Variants in PTPRM observed in about 807,000 individuals in gnomAD.
PTPRM encodes the protein protein tyrosine phosphatase receptor type M.
A neutral mutation model predicts 186.7 loss-of-function variants in PTPRM; 47 were observed. The observed-to-expected ratio is 0.25, with a 90% confidence interval of 0.20 to 0.32. The LOEUF (loss-of-function observed/expected upper bound fraction) is 0.32. Ranked by LOEUF, PTPRM falls within the 10% of genes least tolerant of loss-of-function variation. The pLI is 1.00. For missense variants in PTPRM, 1,494 were observed against 1,865.0 expected (o/e 0.80, Z 3.66); for synonymous variants, 668 against 674.9 (o/e 0.99, Z 0.16).
Position 7,785,715 on chromosome 18 carries a change from G to A in PTPRM, c.196+11444G>A, listed in dbSNP as rs114125320. Among the ~76,000 whole-genome samples the A allele has an allele frequency of 4.5e-3, 690 of 152,286 alleles. 5 individuals carry two copies. The highest frequency in any genetic ancestry group is 0.015 in the African/African-American group (618 of 41,566). ...ATTTACAAAACCCAGGTTGAGCCAC[G>A]TCTGCACTTTCTGAGCATATCGTGA... On this transcript the variant is annotated intron_variant, in intron 2 of 32. Coordinates refer to ENST00000580170, the MANE Select transcript of PTPRM (RefSeq NM_001105244.2).
At chr18:7,685,146 G>A (rs575766368) in intron 1 of PTPRM, among the ~76,000 whole-genome samples, 1 of 152,150 alleles carries the variant, frequency 6.6e-6, no homozygotes, top group Non-Finnish European at 1.5e-5. Flanking sequence ...TGTGGGATCT[G>A]GGGTGGGTAA....
chr18:8,205,498 C>A (rs1262071895), intron 14 of PTPRM, among the ~76,000 whole-genome samples: 1 of 152,142 alleles, frequency 6.6e-6, no homozygotes, highest in Admixed American at 6.5e-5. Context: ...TAATTGATCA[C>A]GTACTTTATA....
intron 19 of PTPRM, among the ~76,000 whole-genome samples, chr18:8,261,575 A>G (rs1188258492): frequency 6.6e-6 from 1 of 152,140 alleles, no homozygotes; most frequent in African/African-American, 2.4e-5. Flanking sequence ...CTGAAGTACC[A>G]GTAGAAAAGT....
chr18:7,991,866 G>C (rs2083284997), intron 7 of PTPRM, among the ~76,000 whole-genome samples: 1 of 152,118 alleles, frequency 6.6e-6, no homozygotes, highest in African/African-American at 2.4e-5. Flanking sequence ...CCATAGGAAA[G>C]AACCCATCAT....
chr18:8,193,582 G>T (rs2093736539), intron 14 of PTPRM, among the ~76,000 whole-genome samples: 1 of 152,244 alleles, frequency 6.6e-6, no homozygotes, highest in Non-Finnish European at 1.5e-5. Flanking sequence ...CCCCACAGGG[G>T]CCTCTCGCGC....
At chr18:8,222,745 G>C (rs1156556904) in intron 14 of PTPRM, among the ~76,000 whole-genome samples, 1 of 152,314 alleles carries the variant, frequency 6.6e-6, no homozygotes, top group East Asian at 1.9e-4. Context: ...GCATTCCACA[G>C]AATGACACCA....
At chr18:8,087,953 G>T (rs2090516428) in intron 10 of PTPRM, among the ~76,000 whole-genome samples, 1 of 152,108 alleles carries the variant, frequency 6.6e-6, no homozygotes, top group South Asian at 2.1e-4. Flanking sequence ...ATCATAATAA[G>T]ACTTAACAGT....
At position 8,384,571 on chromosome 18, in the gene PTPRM, A is replaced by C; in HGVS notation, c.3929A>C (p.Gln1310Pro). The C allele has an allele frequency of 6.2e-7, 1 of 1,614,204 alleles. No individual in the cohort carries two copies. The highest frequency in any genetic ancestry group is 2.2e-5 in the East Asian group (1 of 44,888). The change falls in exon 30 of 33, where the codon CAG becomes CCG. Residue 1310 changes from glutamine to proline, a missense_variant. By Grantham distance (76) the Gln-to-Pro change is moderately conservative (BLOSUM62 -1). Coordinates refer to ENST00000580170, the MANE Select transcript of PTPRM (RefSeq NM_001105244.2). ...NDVDPAQLCPQYWPENGVHRH... is the reference protein window; with the variant it reads ...NDVDPAQLCPPYWPENGVHRH... ...ATGTTTTGAATTCAGTTGTGTCCAC[A>C]GTACTGGCCAGAAAACGGAGTACAC...
rs568396465 is a variant in PTPRM, at chr18:8,157,679, G to A, written c.2300+13900G>A. Among the ~76,000 whole-genome samples the A allele has an allele frequency of 2.1e-3, 314 of 152,258 alleles. 2 individuals are homozygous for A. The highest frequency in any genetic ancestry group is 1.5e-3 in the Non-Finnish European group (104 of 68,016). On this transcript the variant is annotated intron_variant, in intron 14 of 32. Transcript: ENST00000580170. The stretch of plus-strand genomic sequence containing the variant: ...CTCCTACTCAGTCAAGTGGAGAGCC[G>A]GATTATAGGAAAAATTGTTCTCTGC...
intron 19 of PTPRM, among the ~76,000 whole-genome samples, chr18:8,292,821 ATTCT>A (rs1452808217): frequency 2.0e-5 from 3 of 152,208 alleles, no homozygotes; most frequent in Non-Finnish European, 2.9e-5. Flanking sequence ...TGTTGTAAAC[ATTCT>A]TTCAGAGACA....
chr18:7,941,379 A>C (rs548017611), intron 5 of PTPRM, among the ~76,000 whole-genome samples: 1 of 152,366 alleles, frequency 6.6e-6, no homozygotes, highest in East Asian at 1.9e-4. Context: ...ATTTTAGACA[A>C]AAACCTGCTC....
chr18:7,598,924 A>G (rs2037333620), intron 1 of PTPRM, among the ~76,000 whole-genome samples: 1 of 152,120 alleles, frequency 6.6e-6, no homozygotes, highest in Admixed American at 6.5e-5. Flanking sequence ...ATTTCTTGCA[A>G]GGATGCTTAA....
intron 7 of PTPRM, among the ~76,000 whole-genome samples, chr18:8,051,065 G>A (rs898292919): frequency 6.6e-6 from 1 of 152,282 alleles, no homozygotes; most frequent in South Asian, 2.1e-4. Context: ...TGTTTTGAAA[G>A]AGGGGGCTTT....
chr18:7,996,564 T>C (rs1214496873), intron 7 of PTPRM, among the ~76,000 whole-genome samples: 1 of 151,564 alleles, frequency 6.6e-6, no homozygotes, highest in Non-Finnish European at 1.5e-5. Context: ...AGAAAAAAAA[T>C]AAAAGTCTCC....
intron 31 of PTPRM, among the ~76,000 whole-genome samples, chr18:8,387,753 T>TGTGCGTGTGTGTGCGCGCGC (rs1396035576): frequency 7.4e-5 from 6 of 80,572 alleles, no homozygotes; most frequent in Admixed American, 3.3e-4. Flanking sequence ...TGTGTGCGTG[T>TGTGCGTGTGTGTGCGCGCGC]GTGCGTGTGT....
intron 1 of PTPRM, among the ~76,000 whole-genome samples, chr18:7,657,878 C>T (rs2038888131): frequency 6.6e-6 from 1 of 152,158 alleles, no homozygotes; most frequent in Admixed American, 6.5e-5. Context: ...TGTTGTCACC[C>T]TTTCATTCTC....
intron 2 of PTPRM, among the ~76,000 whole-genome samples, chr18:7,823,464 C>T (rs1397567723): frequency 6.6e-6 from 1 of 152,096 alleles, no homozygotes; most frequent in African/African-American, 2.4e-5. Flanking sequence ...TTGAAGGATG[C>T]AAAGTATTGT....
chr18:7,961,503 A>T (rs115245225), intron 7 of PTPRM, among the ~76,000 whole-genome samples: 3,280 of 152,326 alleles, frequency 0.022, 45 homozygotes, highest in African/African-American at 0.044. Context: ...GTTTCATATA[A>T]TTCTTTGTGA....
chr18:7,988,013 CAAAAAAAAA>C (rs57611700), intron 7 of PTPRM, among the ~76,000 whole-genome samples: 7 of 112,392 alleles, frequency 6.2e-5, no homozygotes, highest in East Asian at 6.3e-4. Flanking sequence ...CCTGTGTCTA[CAAAAAAAAA>C]AAAAAAAAAA....
Sources: gnomAD v4.1 joint callset for allele counts (sites outside exome capture counted in the v4.1 genomes callset) on GRCh38, gnomAD v4.1.1 for gene constraint, MANE v1.5 for transcripts, NCBI Gene and HGNC (gene_info 2026-07-23, HGNC 2026-07-21) for gene names.